Variants in MAP2K2 observed in about 807,000 individuals in gnomAD.
MAP2K2 encodes the protein mitogen-activated protein kinase kinase 2, also known as dual specificity mitogen-activated protein kinase kinase 2.
Under a neutral mutation model 43.7 loss-of-function variants are expected in MAP2K2, and 24 were observed. The observed-to-expected ratio is 0.55, with a 90% CI of 0.40 to 0.77. The LOEUF is 0.77. Among genes scored for constraint, MAP2K2 ranks in the 30% least tolerant of loss-of-function variants. The pLI is 0.00. For synonymous variants in MAP2K2, 244 were observed against 239.7 expected (o/e 1.02, Z -0.17); for missense variants, 470 against 566.8 (o/e 0.83, Z 1.73).
chr19:4,113,227 C>T (rs189969965), intron 2 of MAP2K2, among the ~76,000 whole-genome samples: 22 of 152,234 alleles, frequency 1.4e-4, no homozygotes, highest in Non-Finnish European at 2.6e-4. Flanking sequence ...GAAATGAGGC[C>T]GTCGGAAGCG....
Position 4,090,725 on chromosome 19 carries a change from GC to G in MAP2K2, c.1093-18del. The G allele has an allele frequency of 6.5e-7, 1 of 1,526,816 alleles. No homozygotes were observed. The highest frequency in any genetic ancestry group is 8.9e-7 in the Non-Finnish European group (1 of 1,124,470). The allele number at this position is 1,526,816 out of a possible 1,614,324, so 94.6% of individuals were successfully genotyped here. ...GGTGTGGTTCTGCAAGGAAAGGGGA[GC>G]CGTGAGCACCCGGGCCTGGAGTCAC... On this transcript the variant is annotated intron_variant, in intron 10 of 10. Transcript: ENST00000262948.
At chr19:4,105,689 CTT>C (rs1383603069) in intron 3 of MAP2K2, among the ~76,000 whole-genome samples, 1 of 152,092 alleles carries the variant, frequency 6.6e-6, no homozygotes, top group Admixed American at 6.6e-5. Flanking sequence ...TCATCTCTCT[CTT>C]TCTTTCTTTC....
At chr19:4,102,820 G>A (rs1438384765) in intron 3 of MAP2K2, 18 of 1,220,976 alleles carry the variant, frequency 1.5e-5, no homozygotes, top group Non-Finnish European at 1.8e-5. Flanking sequence ...AGCCTACGTG[G>A]TGGGCTTGTC....
rs1020580009 is a variant in MAP2K2 at position 4,119,954 on chromosome 19, C to T, written c.93-2325G>A. On this transcript the variant is annotated intron_variant, in intron 1 of 10. Transcript: ENST00000262948. Reference sequence around the variant, plus strand: ...CGGGGCACACAGGCCAGAACCGAGGCGATGGCGCTGGAGCTGGTGCTGCAA... The same window carrying T: ...CGGGGCACACAGGCCAGAACCGAGGTGATGGCGCTGGAGCTGGTGCTGCAA... 4.6e-5 allele frequency among the ~76,000 whole-genome samples: 7 copies of T among 152,400 alleles called. No homozygotes were observed. In the East Asian group the frequency reaches 5.8e-4, roughly 13 times the overall value.
intron 6 of MAP2K2, 97 bp downstream of exon 6, chr19:4,100,922 A>C: frequency 3.7e-6 from 5 of 1,354,790 alleles, no homozygotes; most frequent in Non-Finnish European, 5.0e-6. Context: ...TGGGGGTGAG[A>C]GCTGAGGGGG....
At chr19:4,094,412 C>T (rs568914123) in intron 10 of MAP2K2, 41 bp downstream of exon 10, 4 of 1,548,936 alleles carry the variant, frequency 2.6e-6, no homozygotes, top group East Asian at 2.4e-5. Context: ...TGGGTGGCAG[C>T]CTGCACCCTC....
intron 2 of MAP2K2, among the ~76,000 whole-genome samples, chr19:4,112,891 T>C (rs1046452612): frequency 1.3e-5 from 2 of 152,190 alleles, no homozygotes; most frequent in African/African-American, 2.4e-5. Context: ...GAAGCTTGGA[T>C]GTTCACGTGG....
intron 3 of MAP2K2, among the ~76,000 whole-genome samples, chr19:4,109,178 T>C (rs1473542865): frequency 1.3e-5 from 2 of 152,230 alleles, no homozygotes; most frequent in Non-Finnish European, 2.9e-5. Flanking sequence ...CCTGATGAGC[T>C]CGGTGTGGCG....
In MAP2K2 at chr19:4,097,341, G is replaced by T; in HGVS notation, c.922C>A (p.His308Asn). The change falls in exon 8 of 11, where the codon CAC (histidine) becomes AAC (asparagine). Residue 308 changes from histidine to asparagine, a missense_variant and splice_region_variant. Coordinates refer to ENST00000262948, the MANE Select transcript of MAP2K2 (RefSeq NM_030662.4). ...ATGGCAGGCCGGCTATCCATCCCGT[G>T]ACCTGCACAGGGAGAGAGATGGAGG... ...PRPPGRPVSG[H>N]GMDSRPAMAI... is the part of the protein sequence containing the mutation. 3.1e-6 allele frequency: 5 copies of T among 1,612,100 alleles called. No homozygotes were observed. The highest frequency in any genetic ancestry group is 4.2e-6 in the Non-Finnish European group (5 of 1,179,014).
At chr19:4,090,834 T>TC in intron 10 of MAP2K2, 126 bp from the exon 11 acceptor site, 1 of 727,666 alleles carries the variant, frequency 1.4e-6, no homozygotes, top group Non-Finnish European at 2.5e-6. Flanking sequence ...GACCCTCCCT[T>TC]CCCCACAGGA....
rs143935365 is a variant in MAP2K2 at position 4,120,175 on chromosome 19, G to A, written c.93-2546C>T. On this transcript the variant is annotated intron_variant, in intron 1 of 10. Transcript: ENST00000262948. ...GCTCATCTTAGTGTCCCCCATGAGG[G>A]GAAACAGGGCCCTAGTAGGTGCTCA... Among the ~76,000 whole-genome samples the A allele has an allele frequency of 2.3e-3, 354 of 152,318 alleles. 1 individual carries two copies. The highest frequency in any genetic ancestry group is 4.5e-3 in the Non-Finnish European group (309 of 68,026).
rs753323316 is a variant in MAP2K2 at position 4,110,475 on chromosome 19, G to GCCCTGCCCCTGC, written c.450+22_450+33dup. ...CCCCAACATGCTCTGTTCCGTGGAG[G>GCCCTGCCCCTGC]CCCTGCCCCTGCCCCTGCCCCGGAC... On this transcript the variant is annotated intron_variant, in intron 3 of 10. Coordinates refer to ENST00000262948, the MANE Select transcript of MAP2K2 (RefSeq NM_030662.4). 4.3e-6 allele frequency: 7 copies of GCCCTGCCCCTGC among 1,610,264 alleles called. No homozygotes were observed. In the South Asian group the frequency reaches 4.4e-5, roughly 10 times the overall value.
At chr19:4,123,624 C>A (rs1475128759) in intron 1 of MAP2K2, among the ~76,000 whole-genome samples, 160 bp downstream of exon 1, 1 of 132,774 alleles carries the variant, frequency 7.5e-6, no homozygotes, top group African/African-American at 3.5e-5. Flanking sequence ...CCTGTCCTCC[C>A]CTCGAGAACC....
intron 3 of MAP2K2, chr19:4,102,794 G>A (rs2041033304): frequency 1.6e-6 from 2 of 1,247,974 alleles, no homozygotes; most frequent in African/African-American, 3.1e-5. Flanking sequence ...GCAGCTGTGG[G>A]GCCCGCACTC....
At chr19:4,119,553 C>G (rs945865534) in intron 1 of MAP2K2, among the ~76,000 whole-genome samples, 1 of 152,142 alleles carries the variant, frequency 6.6e-6, no homozygotes, top group Admixed American at 6.6e-5. Flanking sequence ...TTTGATTTAA[C>G]CCATCAAAAA....
In MAP2K2 at chr19:4,090,625, G is replaced by A. The variant is rs529064753; in HGVS notation, c.1176C>T (p.Pro392=). 78 of 1,553,446 alleles carry A rather than the reference G, an allele frequency of 5.0e-5. No homozygotes were observed. The highest frequency in any genetic ancestry group is 4.0e-4 in the South Asian group (34 of 84,312). ...WLCKTLRLNQ[P]GTPTRTAV is the part of the protein sequence containing the mutation. ...ACACGGCGGTGCGCGTGGGTGTGCC[G>A]GGCTGGTTCAGCCGCAGGGTTTTAC... is the stretch of plus-strand genomic sequence containing the variant. Residue 392 remains proline, a synonymous_variant, in exon 11 of 11, where the codon CCC becomes CCT. Transcript: ENST00000262948.
At chr19:4,103,212 G>A in intron 3 of MAP2K2, 1 of 987,044 alleles carries the variant, frequency 1.0e-6, no homozygotes, top group Non-Finnish European at 1.2e-6. Context: ...CCTGCGGAGG[G>A]CCTGGAAACG....
chr19:4,109,874 T>C (rs1218853814), intron 3 of MAP2K2, among the ~76,000 whole-genome samples: 1 of 152,076 alleles, frequency 6.6e-6, no homozygotes. Flanking sequence ...GCCATGTTAT[T>C]TGAGATAGGG....
At chr19:4,105,579 T>C (rs1248397508) in intron 3 of MAP2K2, among the ~76,000 whole-genome samples, 1 of 151,898 alleles carries the variant, frequency 6.6e-6, no homozygotes, top group Non-Finnish European at 1.5e-5. Context: ...GCAAACACAT[T>C]TTTCTTATAA....
Sources: allele counts gnomAD v4.1 joint callset (sites outside exome capture counted in the v4.1 genomes callset), GRCh38; gene constraint gnomAD v4.1.1; transcripts MANE v1.5; gene names NCBI Gene and HGNC (gene_info 2026-07-23, HGNC 2026-07-21).